The following FGF12 variants were observed in gnomAD, a reference collection of about 807,000 sequenced individuals.
FGF12 encodes fibroblast growth factor 12.
FGF12 carries 14 observed loss-of-function variants against 23.6 expected under a neutral mutation model. The ratio of observed to expected loss-of-function variants is 0.59; its 90% CI spans 0.39 to 0.93. The LOEUF is 0.93. FGF12 is among the 40% of genes least tolerant of loss of function. FGF12 has a pLI of 0.00. For missense variants in FGF12, 175 were observed against 217.8 expected, an observed-to-expected ratio of 0.80 and a Z score of 1.24; for synonymous variants, 62 against 77.3, an observed-to-expected ratio of 0.80 and a Z score of 1.04.
At chr3:192,420,340 G>A (rs1039310488) in intron 2 of FGF12, among the ~76,000 whole-genome samples, 5 of 152,084 alleles carry the variant, frequency 3.3e-5, no homozygotes, top group Admixed American at 1.3e-4. Context: ...TATTTCCCAC[G>A]AGATCTACCA....
At chr3:192,191,592 T>C (rs570969340) in intron 4 of FGF12, among the ~76,000 whole-genome samples, 1 of 152,234 alleles carries the variant, frequency 6.6e-6, no homozygotes, top group Non-Finnish European at 1.5e-5. Context: ...TCCCAGCACT[T>C]TGGGAGGCTG....
At chr3:192,421,571 C>G (rs999051153) in intron 2 of FGF12, among the ~76,000 whole-genome samples, 2 of 152,058 alleles carry the variant, frequency 1.3e-5, no homozygotes, top group African/African-American at 4.8e-5. Flanking sequence ...ATCACAAGAA[C>G]AGAAAACCAA....
chr3:192,293,466 T>C (rs1048801364), intron 4 of FGF12, among the ~76,000 whole-genome samples: 4 of 152,340 alleles, frequency 2.6e-5, no homozygotes, highest in Middle Eastern at 3.4e-3. Flanking sequence ...CCTCATGTCC[T>C]CAAGGCTAAT....
chr3:192,672,858 A>T (rs1426885567), intron 2 of FGF12: 1 of 150,980 alleles, frequency 6.6e-6, no homozygotes, highest in Non-Finnish European at 1.5e-5. Context: ...ACTCAATTTC[A>T]GTGGATATTT....
At chr3:192,484,057 G>A (rs939381223) in intron 2 of FGF12, among the ~76,000 whole-genome samples, 2 of 152,044 alleles carry the variant, frequency 1.3e-5, no homozygotes, top group African/African-American at 4.8e-5. Context: ...CTGAAAGATT[G>A]GGGAACTGAT....
chr3:192,495,229 A>T (rs1236451032), intron 2 of FGF12, among the ~76,000 whole-genome samples: 1 of 152,172 alleles, frequency 6.6e-6, no homozygotes, highest in African/African-American at 2.4e-5. Context: ...AAACCTAATA[A>T]CAAAGCTATA....
intron 4 of FGF12, among the ~76,000 whole-genome samples, chr3:192,190,379 T>A (rs1577218967): frequency 6.6e-6 from 1 of 152,030 alleles, no homozygotes; most frequent in East Asian, 1.9e-4. Flanking sequence ...GAAAATTTAA[T>A]GAATTATTTA....
chr3:192,399,588 A>G (rs1402941000), intron 2 of FGF12, among the ~76,000 whole-genome samples: 1 of 152,182 alleles, frequency 6.6e-6, no homozygotes, highest in Non-Finnish European at 1.5e-5. Context: ...AAAATCATTA[A>G]TTTTGTTTAA....
chr3:192,155,953 G>A (rs1304184051), intron 5 of FGF12, among the ~76,000 whole-genome samples: 1 of 152,168 alleles, frequency 6.6e-6, no homozygotes, highest in South Asian at 2.1e-4. Flanking sequence ...GTAGCTCGAA[G>A]TGCAATGTAT....
intron 2 of FGF12, among the ~76,000 whole-genome samples, chr3:192,391,754 G>A (rs1720301126): frequency 6.6e-6 from 1 of 152,136 alleles, no homozygotes. Flanking sequence ...CTGATTTTCA[G>A]ATAAGAAAAG....
intron 4 of FGF12, among the ~76,000 whole-genome samples, chr3:192,299,204 T>C (rs1462292244): frequency 6.6e-6 from 1 of 152,212 alleles, no homozygotes; most frequent in East Asian, 1.9e-4. Flanking sequence ...TGGAGAAGAT[T>C]GTTGCAGACT....
chr3:192,621,093 T>C (rs890810767), intron 2 of FGF12, among the ~76,000 whole-genome samples: 2 of 152,168 alleles, frequency 1.3e-5, no homozygotes, highest in East Asian at 1.9e-4. Flanking sequence ...AAGCAATCCA[T>C]TGTTGACTTT....
chr3:192,529,896 G>A (rs1184497559), intron 2 of FGF12, among the ~76,000 whole-genome samples: 1 of 152,126 alleles, frequency 6.6e-6, no homozygotes, highest in Non-Finnish European at 1.5e-5. Context: ...GATGAGATTT[G>A]GGTGGGGTCA....
In FGF12 at chr3:192,409,781, C is replaced by T. The variant is rs1408166783; in HGVS notation, c.14-49243G>A. Among the ~76,000 whole-genome samples, 1 of 152,056 alleles carries T rather than the reference C, an allele frequency of 6.6e-6. No homozygotes were observed. Among genetic ancestry groups the T allele is most frequent in the Non-Finnish European group, 1.5e-5 (1 of 67,968 alleles). Reference sequence around the variant, plus strand: ...TCGCGAGGCAGCCGAGGGCGCAACCCGGGCGCTTGGGGCCGGAGGCGGAAT... The same window carrying T: ...TCGCGAGGCAGCCGAGGGCGCAACCTGGGCGCTTGGGGCCGGAGGCGGAAT... On this transcript the variant is annotated intron_variant, in intron 2 of 5. Transcript: ENST00000445105. This position sits in a 1 kb window ranked among gnomAD's most constrained non-coding sequence, Gnocchi z 4.8.
intron 2 of FGF12, among the ~76,000 whole-genome samples, chr3:192,611,223 G>T (rs978965347): frequency 2.0e-5 from 3 of 151,986 alleles, no homozygotes; most frequent in African/African-American, 7.2e-5. Flanking sequence ...TTTCTGCTTT[G>T]CTTGTAGAAT....
intron 2 of FGF12, among the ~76,000 whole-genome samples, chr3:192,488,208 A>G (rs568938981): frequency 3.9e-5 from 6 of 152,160 alleles, no homozygotes; most frequent in Non-Finnish European, 7.4e-5. Context: ...TCTTGATAAA[A>G]GTAACTATTG....
chr3:192,522,222 C>G (rs1254747510), intron 2 of FGF12, among the ~76,000 whole-genome samples: 9 of 147,696 alleles, frequency 6.1e-5, no homozygotes, highest in Admixed American at 3.3e-4. Flanking sequence ...CAAAAAAAAA[C>G]GGGGGGGACT....
intron 5 of FGF12, among the ~76,000 whole-genome samples, chr3:192,167,941 A>AT (rs1372721647): frequency 6.6e-6 from 1 of 150,660 alleles, no homozygotes; most frequent in Non-Finnish European, 1.5e-5. Flanking sequence ...TAATTTTTGT[A>AT]TTTTTAGTAG....
intron 2 of FGF12, among the ~76,000 whole-genome samples, chr3:192,444,724 T>G (rs1251244063): frequency 6.6e-6 from 1 of 152,174 alleles, no homozygotes; most frequent in Non-Finnish European, 1.5e-5. Flanking sequence ...GGAAATTGCT[T>G]CCCTCTGCGA....
Sources: gnomAD v4.1 joint callset for allele counts (sites outside exome capture counted in the v4.1 genomes callset) on GRCh38, gnomAD v4.1.1 for gene constraint, Gnocchi (gnomAD v3.1) non-coding constraint, MANE v1.5 for transcripts, NCBI Gene and HGNC (gene_info 2026-07-23, HGNC 2026-07-21) for gene names.